DIAPH3: variants seen among roughly 807,000 people sequenced by gnomAD.
DIAPH3 encodes the protein diaphanous related formin 3.
DIAPH3 carries 117 observed loss-of-function variants against 144.3 expected under a neutral mutation model. The ratio of observed to expected loss-of-function variants is 0.81; its 90% CI spans 0.70 to 0.95. The LOEUF (loss-of-function observed/expected upper bound fraction) is 0.95. Ranked by LOEUF, DIAPH3 falls within the 40% of genes least tolerant of loss-of-function variation. The pLI is 0.00. For missense variants in DIAPH3, 1,421 were observed against 1,412.7 expected (o/e 1.01, Z -0.09); for synonymous variants, 519 against 488.9 (o/e 1.06, Z -0.81).
At chr13:59,898,009 C>T (rs1322695394) in intron 20 of DIAPH3, among the ~76,000 whole-genome samples, 1 of 151,330 alleles carries the variant, frequency 6.6e-6, no homozygotes, top group Non-Finnish European at 1.5e-5. Flanking sequence ...TGGCACATGC[C>T]TGTAATCCTA....
Position 59,882,099 on chromosome 13 carries a change from C to CT in DIAPH3, c.2368-2632dup, listed in dbSNP as rs376471819. ...TGATAATAACAGAAGGGTTACTTTT[C>CT]TTTTTTTGAGGCAGAGTCTCACTCT... On this transcript the variant is annotated intron_variant, in intron 20 of 27. Coordinates refer to ENST00000400324, the MANE Select transcript of DIAPH3 (RefSeq NM_001042517.2). Among the ~76,000 whole-genome samples, 600 of 152,018 alleles carry CT rather than the reference C, an allele frequency of 3.9e-3. 5 individuals carry two copies. Among genetic ancestry groups the CT allele is most frequent in the African/African-American group, 0.014 (583 of 41,470 alleles).
intron 5 of DIAPH3, among the ~76,000 whole-genome samples, chr13:60,035,195 A>G (rs1233821164): frequency 6.6e-6 from 1 of 152,192 alleles, no homozygotes; most frequent in East Asian, 1.9e-4. Flanking sequence ...TACCATCTAT[A>G]GAATACACGT....
At chr13:60,020,922 A>T (rs2053972736) in intron 5 of DIAPH3, 1 of 152,218 alleles carries the variant, frequency 6.6e-6, no homozygotes. Context: ...TCTAAGCAGG[A>T]GGGCATATGC....
At chr13:59,780,477 T>C (rs2038675711) in intron 25 of DIAPH3, among the ~76,000 whole-genome samples, 1 of 152,244 alleles carries the variant, frequency 6.6e-6, no homozygotes, top group Non-Finnish European at 1.5e-5. Context: ...TTTCTCCAGC[T>C]ATAATTTATA....
intron 27 of DIAPH3, among the ~76,000 whole-genome samples, chr13:59,746,672 G>A (rs2036721025): frequency 6.6e-6 from 1 of 152,112 alleles, no homozygotes; most frequent in South Asian, 2.1e-4. Context: ...ATAAGTTTTG[G>A]AGGAATTTGT....
chr13:60,031,776 G>A (rs888556603), intron 5 of DIAPH3, among the ~76,000 whole-genome samples: 9 of 67,864 alleles, frequency 1.3e-4, no homozygotes, highest in African/African-American at 3.5e-4. Context: ...GGGGTCTTTC[G>A]CTTTGTCACC....
At chr13:59,721,905 G>A (rs1193398933) in intron 27 of DIAPH3, among the ~76,000 whole-genome samples, 1 of 152,192 alleles carries the variant, frequency 6.6e-6, no homozygotes, top group Non-Finnish European at 1.5e-5. Context: ...TTTGAAAGCA[G>A]CTTCTGGGCA....
At chr13:59,961,993 T>C (rs2049791789) in intron 17 of DIAPH3, among the ~76,000 whole-genome samples, 1 of 152,152 alleles carries the variant, frequency 6.6e-6, no homozygotes, top group Admixed American at 6.5e-5. Context: ...TAAAGTGAGA[T>C]TCAAAAATGG....
chr13:59,714,501 T>G (rs1404231648), intron 27 of DIAPH3, among the ~76,000 whole-genome samples: 1 of 152,152 alleles, frequency 6.6e-6, no homozygotes, highest in East Asian at 1.9e-4. Context: ...CACCACTGCC[T>G]GCTAGCCTGG....
intron 22 of DIAPH3, among the ~76,000 whole-genome samples, chr13:59,847,777 G>A (rs2042730084): frequency 6.6e-6 from 1 of 152,118 alleles, no homozygotes; most frequent in Admixed American, 6.5e-5. Flanking sequence ...TGCTATTGGA[G>A]ACCAGGTCAG....
intron 27 of DIAPH3, among the ~76,000 whole-genome samples, chr13:59,753,469 A>G (rs2037114827): frequency 6.6e-6 from 1 of 152,246 alleles, no homozygotes. Context: ...GCATGGGGGA[A>G]AACTGCTTTG....
chr13:59,839,789 G>T (rs527885003), intron 22 of DIAPH3, among the ~76,000 whole-genome samples: 173 of 152,146 alleles, frequency 1.1e-3, no homozygotes, highest in African/African-American at 4.1e-3. Flanking sequence ...TTTTAAAATT[G>T]GACTGATTTA....
chr13:59,870,664 TG>T (rs1220000587), intron 21 of DIAPH3, among the ~76,000 whole-genome samples: 12 of 105,868 alleles, frequency 1.1e-4, no homozygotes, highest in African/African-American at 2.0e-4. Flanking sequence ...GTTTTGTAGG[TG>T]TTTTTTTTTT....
rs1327735988 is a variant in DIAPH3 at position 59,911,815 on chromosome 13, C to T, written c.2287G>A (p.Asp763Asn). The change falls in exon 20 of 28, where the codon GAT becomes AAT. Residue 763 changes from aspartate (D) to asparagine (N), a missense_variant. Transcript: ENST00000400324. ...GACAATGAATTTAATTGCTCTTGATCAGGAAGATGCTTTATTAAGTTCTAA... is the reference window on the plus strand; with the variant it reads ...GACAATGAATTTAATTGCTCTTGATTAGGAAGATGCTTTATTAAGTTCTAA... ...MIQNLIKHLP[D>N]QEQLNSLSQF... 1.2e-6 allele frequency: 2 copies of T among 1,612,420 alleles called. No homozygotes were observed. The highest frequency in any genetic ancestry group is 1.7e-5 in the Admixed American group (1 of 60,006).
intron 20 of DIAPH3, among the ~76,000 whole-genome samples, chr13:59,884,588 A>C (rs1211532891): frequency 6.6e-6 from 1 of 152,192 alleles, no homozygotes; most frequent in Non-Finnish European, 1.5e-5. Context: ...GTTTTATGAA[A>C]GACAAGAGAA....
chr13:60,116,420 G>C (rs945375032), intron 2 of DIAPH3, among the ~76,000 whole-genome samples: 1 of 151,584 alleles, frequency 6.6e-6, no homozygotes, highest in East Asian at 1.9e-4. Flanking sequence ...CCTCATTACT[G>C]ATGTTTGTTT....
chr13:60,096,457 T>G (rs978547525), intron 3 of DIAPH3, among the ~76,000 whole-genome samples: 6 of 152,200 alleles, frequency 3.9e-5, no homozygotes, highest in African/African-American at 7.2e-5. Flanking sequence ...TTGTTATTTT[T>G]GGGGGTTGGT....
At chr13:59,798,988 G>GA (rs2039753841) in intron 25 of DIAPH3, among the ~76,000 whole-genome samples, 1 of 152,064 alleles carries the variant, frequency 6.6e-6, no homozygotes, top group Admixed American at 6.6e-5. Context: ...TGCTGTGGTT[G>GA]AAGCACAGTA....
chr13:59,837,560 A>G (rs1566389646), intron 23 of DIAPH3: 1 of 154,246 alleles, frequency 6.5e-6, no homozygotes, highest in African/African-American at 2.4e-5. Context: ...CTTTATATCT[A>G]TAGGGAACAA....
Sources: gnomAD v4.1 joint callset for allele counts (sites outside exome capture counted in the v4.1 genomes callset) on GRCh38, gnomAD v4.1.1 for gene constraint, MANE v1.5 for transcripts, NCBI Gene and HGNC (gene_info 2026-07-23, HGNC 2026-07-21) for gene names.